ZNF559: variants seen among roughly 807,000 people sequenced by gnomAD.
The protein encoded by ZNF559 is putative protein product of Nbla00121.
A neutral mutation model predicts 14.2 loss-of-function variants in ZNF559; 17 were observed. That is an observed-to-expected ratio of 1.20 (90% CI 0.82 to 1.80). The LOEUF (loss-of-function observed/expected upper bound fraction) is 1.80. Ranked by LOEUF, ZNF559 falls within the 40% of genes most tolerant of loss-of-function variation. The pLI is 0.00. For missense variants in ZNF559, 740 were observed against 629.7 expected (o/e 1.18, Z -1.88); for synonymous variants, 244 against 212.4 (o/e 1.15, Z -1.29).
intron 2 of ZNF559, among the ~76,000 whole-genome samples, chr19:9,333,618 G>T (rs1166637569): frequency 6.6e-6 from 1 of 152,076 alleles, no homozygotes; most frequent in Non-Finnish European, 1.5e-5. Flanking sequence ...GAGCCCAGGA[G>T]GTCAGGGCTG....
rs953370586 is a variant in ZNF559 at position 9,339,100 on chromosome 19, T to C, written c.34-93T>C. On this transcript the variant is annotated intron_variant, in intron 4 of 6. Transcript: ENST00000603380. ...TCAAGTGATAGGAGACCAAAGAGTC[T>C]TGTCAAGGCATGCCAAGACAAGGTC... The C allele has an allele frequency of 1.9e-6, 3 of 1,573,640 alleles. No homozygotes were observed. In the African/African-American group the frequency reaches 4.1e-5, roughly 21 times the overall value.
Position 9,337,051 on chromosome 19 carries a change from G to A in ZNF559, c.-119-745G>A, listed in dbSNP as rs144695889. On this transcript the variant is annotated intron_variant, in intron 2 of 6. Transcript: ENST00000603380. ...TCTCCCATGTAGTCACATGGACAGT[G>A]CTTAATTCTCCTAGTAAAAGTGTGT... 9.6e-4 allele frequency among the ~76,000 whole-genome samples: 146 copies of A among 152,306 alleles called. 1 individual carries two copies. In the East Asian group the frequency reaches 0.02, roughly 21 times the overall value.
At chr19:9,330,839 G>C (rs193100831) in intron 2 of ZNF559, among the ~76,000 whole-genome samples, 2 of 152,232 alleles carry the variant, frequency 1.3e-5, no homozygotes, top group Non-Finnish European at 2.9e-5. Flanking sequence ...TTTTCTTTGT[G>C]TCATAGTTTC....
rs748752420 is a variant in ZNF559, at chr19:9,342,524, G to T, written c.1073G>T (p.Cys358Phe). The T allele has an allele frequency of 8.1e-6, 13 of 1,614,036 alleles. No individual in the cohort carries two copies. The highest frequency in any genetic ancestry group is 1.0e-5 in the Non-Finnish European group (12 of 1,180,026). The change falls in exon 7 of 7, where the codon TGT becomes TTT. Residue 358 changes from cysteine to phenylalanine, a missense_variant. Coordinates refer to ENST00000603380, the MANE Select transcript of ZNF559 (RefSeq NM_032497.3). ...TGEKPYECKECGKAFANSSHL... is the reference protein window; with the variant it reads ...TGEKPYECKEFGKAFANSSHL... ...GAAAAGCCTTATGAATGTAAGGAAT[G>T]TGGGAAAGCTTTTGCTAACTCTTCA...
intron 2 of ZNF559, among the ~76,000 whole-genome samples, chr19:9,328,091 G>GT (rs1038302606): frequency 6.6e-6 from 1 of 152,006 alleles, no homozygotes; most frequent in African/African-American, 2.4e-5. Context: ...AACTTAAGAG[G>GT]TTTTTTGTTT....
chr19:9,337,777 AC>A lies in ZNF559; in HGVS notation c.-119-18del. 1 of 1,426,646 alleles carries A rather than the reference AC, an allele frequency of 7.0e-7. No homozygotes were observed. Among genetic ancestry groups the A allele is most frequent in the Non-Finnish European group, 9.1e-7 (1 of 1,093,010 alleles). The allele number at this position is 1,426,646 out of a possible 1,614,324, so 88.4% of individuals were successfully genotyped here. ...TAATACTCTAGTGGCACTCACATGA[AC>A]AACTTCATCTTCTGCAGAGAGATGG... is the stretch of plus-strand genomic sequence containing the variant. On this transcript the variant is annotated intron_variant, in intron 2 of 6. Coordinates refer to ENST00000603380, the MANE Select transcript of ZNF559 (RefSeq NM_032497.3).
At position 9,340,983 on chromosome 19, in the gene ZNF559, A is replaced by G; in HGVS notation, c.161-119A>G. 7.6e-6 allele frequency: 6 copies of G among 792,092 alleles called. No homozygotes were observed. The South Asian group carries it at 1.0e-4, about 13-fold the overall frequency. 49.1% of individuals were successfully genotyped at this position (792,092 alleles called of 1,614,324 possible). On this transcript the variant is annotated intron_variant, in intron 5 of 6. Transcript: ENST00000603380. The stretch of plus-strand genomic sequence containing the variant: ...TTTATGTTTCCCGTTCTTTAAAAAA[A>G]CAAACTATATTTCAAGCCAGTGTTT...
intron 2 of ZNF559, among the ~76,000 whole-genome samples, chr19:9,336,183 G>GT (rs2067227623): frequency 6.6e-6 from 1 of 152,168 alleles, no homozygotes; most frequent in Admixed American, 6.5e-5. Flanking sequence ...GCCAGAACCA[G>GT]TTCTGAGTCT....
chr19:9,341,804 C>T lies in ZNF559; in HGVS notation c.353C>T (p.Thr118Ile), dbSNP rs200764389. Residue 118 changes from threonine (T) to isoleucine (I), a missense_variant, in exon 7 of 7, where the codon ACC becomes ATC. By Grantham distance (89) the Thr-to-Ile change is moderately conservative. Transcript: ENST00000603380. ...AGGAGAACTTACTTTAGAAAGAAAA[C>T]CTGTGAGTGTAATCAATGTGAAAAA... ...THRRTYFRKKTCECNQCEKAF... is the reference protein window; with the variant it reads ...THRRTYFRKKICECNQCEKAF... 3.7e-6 allele frequency: 6 copies of T among 1,609,598 alleles called. No individual in the cohort carries two copies. The highest frequency in any genetic ancestry group is 5.1e-6 in the Non-Finnish European group (6 of 1,178,904).
intron 5 of ZNF559, among the ~76,000 whole-genome samples, chr19:9,340,567 T>TAAAAAAAAAAAA (rs34086147): frequency 4.0e-5 from 3 of 75,788 alleles, no homozygotes; most frequent in African/African-American, 1.8e-4. Flanking sequence ...TCTCTGTCTC[T>TAAAAAAAAAAAA]AAAAAAAAAA....
In ZNF559 at chr19:9,343,330, A is replaced by T. The variant is rs114556235; in HGVS notation, c.*262A>T. On this transcript the variant is annotated 3_prime_UTR_variant, in exon 7 of 7. Coordinates refer to ENST00000603380, the MANE Select transcript of ZNF559 (RefSeq NM_032497.3). ...CAAACTGAACGTAGGAAACCTGTCG[A>T]TGCTTACATCTTACTGAGTCTGTTT... The T allele has an allele frequency of 6.3e-4, 786 of 1,239,428 alleles. 6 individuals are homozygous for T. In the African/African-American group the frequency reaches 0.011, roughly 17 times the overall value. 76.8% of individuals were successfully genotyped at this position (1,239,428 alleles called of 1,614,324 possible). A position where few individuals can be genotyped will look rare whatever the true frequency, so the allele number is the denominator to read the frequency against.
intron 2 of ZNF559, among the ~76,000 whole-genome samples, chr19:9,331,508 T>G (rs866793817): frequency 5.3e-5 from 8 of 152,142 alleles, no homozygotes; most frequent in Middle Eastern, 6.3e-3. Flanking sequence ...TATTCTTACA[T>G]CACACAAAAT....
In ZNF559 at chr19:9,343,213, TAGAAG is replaced by T; in HGVS notation, c.*152_*156del. ...GTGTCTCAGATCTTAACAATTCCAA[TAGAAG>T]AGAAGACATATGAATGTAAGGAATG... On this transcript the variant is annotated 3_prime_UTR_variant, in exon 7 of 7. Transcript: ENST00000603380. 1.4e-6 allele frequency: 2 copies of T among 1,456,928 alleles called. No individual in the cohort carries two copies. The highest frequency in any genetic ancestry group is 1.8e-6 in the Non-Finnish European group (2 of 1,110,610). 90.3% of individuals were successfully genotyped at this position (1,456,928 alleles called of 1,614,324 possible).
At chr19:9,339,447 T>C in intron 5 of ZNF559, 128 bp downstream of exon 5, 2 of 1,062,704 alleles carry the variant, frequency 1.9e-6, no homozygotes, top group Non-Finnish European at 2.7e-6. Context: ...TTCCATCTCA[T>C]AGACCTTACT....
chr19:9,324,125 C>T (rs2066429200), upstream of ZNF559: 1 of 1,529,190 alleles, frequency 6.5e-7, no homozygotes, highest in Non-Finnish European at 8.8e-7. Flanking sequence ...CCCGAGGCCC[C>T]GCCCCCTAGG....
rs2067606913 is a variant in ZNF559, at chr19:9,341,995, G to A, written c.544G>A (p.Glu182Lys). Residue 182 changes from glutamate to lysine, a missense_variant, in exon 7 of 7, where the codon GAG (glutamate) becomes AAG (lysine). By Grantham distance (56) the Glu-to-Lys change is moderately conservative. Transcript: ENST00000603380. ...TGTTTGCAAGAAAACTCACACTCAA[G>A]AGAAACCATATAAATGCAGTGACTG... Reference protein sequence around the residue: ...HLVCKKTHTQEKPYKCSDCEK... With the variant: ...HLVCKKTHTQKKPYKCSDCEK... The A allele has an allele frequency of 6.2e-7, 1 of 1,612,450 alleles. No individual in the cohort carries two copies.
intron 2 of ZNF559, among the ~76,000 whole-genome samples, chr19:9,325,786 CAAAAAA>C (rs35775585): frequency 7.2e-6 from 1 of 139,154 alleles, no homozygotes; most frequent in African/African-American, 2.7e-5. Flanking sequence ...ACTCCGTCTC[CAAAAAA>C]AAAAAAAAAA....
chr19:9,340,661 G>T (rs1363681535), intron 5 of ZNF559, among the ~76,000 whole-genome samples: 1 of 150,572 alleles, frequency 6.6e-6, no homozygotes, highest in Admixed American at 6.6e-5. Context: ...CTGCCTTCCG[G>T]GTTCAAGTGA....
chr19:9,337,827 G>A lies in ZNF559; in HGVS notation c.-88G>A, dbSNP rs2067323655. The A allele has an allele frequency of 8.8e-6, 13 of 1,472,260 alleles. No homozygotes were observed. The highest frequency in any genetic ancestry group is 1.2e-5 in the Non-Finnish European group (13 of 1,114,548). 91.2% of individuals were successfully genotyped at this position (1,472,260 alleles called of 1,614,324 possible). On this transcript the variant is annotated 5_prime_UTR_variant, in exon 3 of 7. Coordinates refer to ENST00000603380, the MANE Select transcript of ZNF559 (RefSeq NM_032497.3). ...GGCTAATGAATGGCGCTTGATGACA[G>A]ATGAGTAATGCCTGTTGCTGAAAGA...
Sources: allele counts gnomAD v4.1 joint callset (sites outside exome capture counted in the v4.1 genomes callset), GRCh38; gene constraint gnomAD v4.1.1; transcripts MANE v1.5; gene names NCBI Gene and HGNC (gene_info 2026-07-23, HGNC 2026-07-21).